The following DCC variants were observed in gnomAD, a reference collection of about 807,000 sequenced individuals.
The protein encoded by DCC is netrin receptor DCC.
DCC carries 58 observed loss-of-function variants against 172.5 expected under a neutral mutation model. That is an observed-to-expected ratio of 0.34 (90% CI 0.27 to 0.42). The LOEUF is 0.42. Among genes scored for constraint, DCC ranks in the 10% least tolerant of loss-of-function variants. The pLI, the probability that DCC is intolerant of heterozygous loss-of-function variation, is 1.00. For missense variants in DCC, 1,740 were observed against 1,791.0 expected, an observed-to-expected ratio of 0.97 and a Z score of 0.51; for synonymous variants, 709 against 644.5, an observed-to-expected ratio of 1.10 and a Z score of -1.52.
rs962808767 is a variant in DCC, at chr18:52,752,083, C to T, written c.121C>T (p.Arg41Cys). The stretch of plus-strand genomic sequence containing the variant: ...TCAAATTAAAGCTTTCACAGCACTG[C>T]GCTTCCTCTCAGAACCTTCTGATGC... ...GFQIKAFTALRFLSEPSDAVT... is the reference protein window; with the variant it reads ...GFQIKAFTALCFLSEPSDAVT... Residue 41 changes from arginine (R) to cysteine (C), a missense_variant, in exon 2 of 29, where the codon CGC becomes TGC. Physicochemically the swap from Arg to Cys is radical, Grantham distance 180 (BLOSUM62 -3). Transcript: ENST00000442544. The T allele has an allele frequency of 3.1e-6, 5 of 1,614,094 alleles. No individual in the cohort carries two copies. The highest frequency in any genetic ancestry group is 2.2e-5 in the East Asian group (1 of 44,868).
intron 1 of DCC, among the ~76,000 whole-genome samples, chr18:52,604,262 C>A (rs1379959526): frequency 6.6e-6 from 1 of 151,976 alleles, no homozygotes; most frequent in East Asian, 1.9e-4. Flanking sequence ...ACTTCATTAC[C>A]CCAATTCTGT....
At chr18:53,036,935 T>C (rs1425908330) in intron 5 of DCC, among the ~76,000 whole-genome samples, 1 of 152,000 alleles carries the variant, frequency 6.6e-6, no homozygotes, top group Non-Finnish European at 1.5e-5. Flanking sequence ...CTGAAGCTGA[T>C]ATACATTTTC....
chr18:53,145,258 C>T (rs995973255), intron 7 of DCC, among the ~76,000 whole-genome samples: 8 of 151,986 alleles, frequency 5.3e-5, no homozygotes, highest in Admixed American at 5.2e-4. Flanking sequence ...GGACTACAGT[C>T]GCCCGCCACC....
intron 3 of DCC, among the ~76,000 whole-genome samples, chr18:52,917,256 T>C (rs1397105180): frequency 2.1e-5 from 3 of 143,938 alleles, no homozygotes; most frequent in Non-Finnish European, 4.6e-5. Flanking sequence ...GAGGTGGAGG[T>C]TGCAGTGAGC....
chr18:53,503,828 A>G (rs1167294651), intron 27 of DCC, among the ~76,000 whole-genome samples: 1 of 152,196 alleles, frequency 6.6e-6, no homozygotes, highest in Admixed American at 6.5e-5. Flanking sequence ...GTAAAACTCC[A>G]TAAGCACTAT....
intron 1 of DCC, among the ~76,000 whole-genome samples, chr18:52,440,321 A>G (rs1463531153): frequency 6.6e-6 from 1 of 152,090 alleles, no homozygotes; most frequent in Non-Finnish European, 1.5e-5. Flanking sequence ...CAAATCCACA[A>G]GGATGGTTCT....
chr18:53,308,805 T>C (rs558715442), intron 13 of DCC, among the ~76,000 whole-genome samples: 1 of 152,322 alleles, frequency 6.6e-6, no homozygotes, highest in East Asian at 1.9e-4. Context: ...ATTTCGTAAC[T>C]TGAAAGAATA....
intron 1 of DCC, among the ~76,000 whole-genome samples, chr18:52,559,002 C>T (rs140203152): frequency 1.6e-4 from 24 of 152,276 alleles, no homozygotes; most frequent in African/African-American, 4.8e-4. Flanking sequence ...TTAATTGTCT[C>T]GATTTCTAAC....
intron 1 of DCC, among the ~76,000 whole-genome samples, chr18:52,670,709 G>A (rs114175344): frequency 0.04 from 6,086 of 152,134 alleles, 414 homozygotes; most frequent in African/African-American, 0.14. Flanking sequence ...GCATGGTGAA[G>A]GGTGCCTGTA....
At chr18:53,058,728 G>C (rs956977922) in intron 5 of DCC, among the ~76,000 whole-genome samples, 3 of 152,126 alleles carry the variant, frequency 2.0e-5, no homozygotes, top group Admixed American at 6.6e-5. Context: ...TAGCCTGATA[G>C]AGCCACTTCC....
intron 5 of DCC, among the ~76,000 whole-genome samples, chr18:53,030,222 A>T (rs1220542500): frequency 6.6e-6 from 1 of 152,220 alleles, no homozygotes; most frequent in African/African-American, 2.4e-5. Context: ...GTAAAGTAGG[A>T]CCACTAACTT....
chr18:52,744,546 T>A (rs8097224), intron 1 of DCC, among the ~76,000 whole-genome samples: 38,811 of 152,146 alleles, frequency 0.26, 5,548 homozygotes, highest in South Asian at 0.37. Context: ...GTGGAATGAA[T>A]GTACTCTTTT....
At chr18:52,854,000 G>A (rs2039015581) in intron 2 of DCC, among the ~76,000 whole-genome samples, 1 of 152,088 alleles carries the variant, frequency 6.6e-6, no homozygotes, top group South Asian at 2.1e-4. Context: ...TCAGTTTTTG[G>A]CAAATAGCTT....
At chr18:53,292,183 T>C (rs1329790404) in intron 12 of DCC, among the ~76,000 whole-genome samples, 2 of 150,794 alleles carry the variant, frequency 1.3e-5, no homozygotes, top group African/African-American at 4.9e-5. Flanking sequence ...TTAGTCAGTT[T>C]AGGAATATTG....
chr18:52,908,130 T>C (rs2039918088), intron 3 of DCC, among the ~76,000 whole-genome samples: 1 of 152,212 alleles, frequency 6.6e-6, no homozygotes, highest in African/African-American at 2.4e-5. Context: ...GTCTCTGCGC[T>C]CTTAACTGTG....
At chr18:53,063,063 G>T (rs778576049) in intron 5 of DCC, among the ~76,000 whole-genome samples, 1 of 151,690 alleles carries the variant, frequency 6.6e-6, no homozygotes, top group Non-Finnish European at 1.5e-5. Flanking sequence ...TTTCCAAAAA[G>T]TGTTTCCTTT....
chr18:53,420,076 A>G (rs28690675), intron 21 of DCC, among the ~76,000 whole-genome samples: 65,579 of 151,802 alleles, frequency 0.43, 15,957 homozygotes, highest in Non-Finnish European at 0.56. Context: ...GGATGGTCTC[A>G]ATCCTCCTGA....
intron 1 of DCC, among the ~76,000 whole-genome samples, chr18:52,426,492 A>G (rs1987431435): frequency 6.6e-6 from 1 of 152,024 alleles, no homozygotes; most frequent in Admixed American, 6.6e-5. Flanking sequence ...ACACTGAAAA[A>G]GAGTCTATGT....
intron 2 of DCC, among the ~76,000 whole-genome samples, chr18:52,766,104 A>G (rs896348921): frequency 6.6e-6 from 1 of 152,220 alleles, no homozygotes; most frequent in African/African-American, 2.4e-5. Context: ...TGCTAGAACC[A>G]GTCGGCCATT....
Sources: gnomAD v4.1 joint callset for allele counts (sites outside exome capture counted in the v4.1 genomes callset) on GRCh38, gnomAD v4.1.1 for gene constraint, MANE v1.5 for transcripts, NCBI Gene and HGNC (gene_info 2026-07-23, HGNC 2026-07-21) for gene names.